SMARCAL1: variants seen among roughly 807,000 people sequenced by gnomAD.
The protein encoded by SMARCAL1 is ATP-driven annealing helicase.
In SMARCAL1, 58 loss-of-function variants were observed where a neutral mutation model predicts 94.5. The ratio of observed to expected loss-of-function variants is 0.61; its 90% CI spans 0.50 to 0.76. The LOEUF (loss-of-function observed/expected upper bound fraction) is 0.76, where lower values mean the gene tolerates loss of function less well. Ranked by LOEUF, SMARCAL1 falls within the 30% of genes least tolerant of loss-of-function variation. The pLI is 0.00. For missense variants in SMARCAL1, 1,051 were observed against 1,177.9 expected, an observed-to-expected ratio of 0.89 and a Z score of 1.58; for synonymous variants, 422 against 455.1, an observed-to-expected ratio of 0.93 and a Z score of 0.93.
rs886042157 is a variant in SMARCAL1, at chr2:216,432,878, C to T, written c.1485+10C>T. The T allele has an allele frequency of 1.9e-5, 31 of 1,614,040 alleles. No homozygotes were observed. Among genetic ancestry groups the T allele is most frequent in the Non-Finnish European group, 2.6e-5 (31 of 1,180,022 alleles). ...CTTCACCTGGGAGCAGGTTAATGGT[C>T]TTCAAATTGCAGTTTTCACAGAGAA... On this transcript the variant is annotated intron_variant, in intron 8 of 17. Transcript: ENST00000357276.
intron 12 of SMARCAL1, among the ~76,000 whole-genome samples, chr2:216,458,667 T>C (rs1253501135): frequency 6.6e-6 from 1 of 152,208 alleles, no homozygotes; most frequent in Non-Finnish European, 1.5e-5. Context: ...AAATTAGGTA[T>C]TGATAGGACA....
At chr2:216,474,941 CACAT>C (rs1477916778) in intron 14 of SMARCAL1, among the ~76,000 whole-genome samples, 1 of 152,074 alleles carries the variant, frequency 6.6e-6, no homozygotes, top group African/African-American at 2.4e-5. Flanking sequence ...GTAGAACACA[CACAT>C]ACAGTAAAAC....
At chr2:216,439,051 T>C (rs746380679) in intron 10 of SMARCAL1, among the ~76,000 whole-genome samples, 2 of 152,022 alleles carry the variant, frequency 1.3e-5, no homozygotes, top group Non-Finnish European at 2.9e-5. Context: ...GCTGATACTG[T>C]TTTCTGTGGC....
intron 10 of SMARCAL1, among the ~76,000 whole-genome samples, chr2:216,444,610 C>A (rs1004627726): frequency 1.4e-4 from 22 of 152,210 alleles, no homozygotes; most frequent in Non-Finnish European, 2.2e-4. Context: ...ACCTCTGCCT[C>A]CCCTGTTCAA....
chr2:216,454,005 C>T (rs988876493), intron 12 of SMARCAL1, among the ~76,000 whole-genome samples: 1 of 152,216 alleles, frequency 6.6e-6, no homozygotes, highest in African/African-American at 2.4e-5. Context: ...CATCTTTTGT[C>T]TAAAGCCATT....
At position 216,462,278 on chromosome 2, in the gene SMARCAL1, G is replaced by A. The variant is rs1473077283; in HGVS notation, c.2071-2319G>A. 2.6e-5 allele frequency among the ~76,000 whole-genome samples: 4 copies of A among 152,210 alleles called. No individual in the cohort carries two copies. In the East Asian group the frequency reaches 7.7e-4, roughly 29 times the overall value. On this transcript the variant is annotated intron_variant, in intron 12 of 17. Coordinates refer to ENST00000357276, the MANE Select transcript of SMARCAL1 (RefSeq NM_014140.4). ...ATTAGGGAGTATGGCATGAGTGAGT[G>A]TAGGTGGGAGGGGTAGGCTCTCTCT...
intron 6 of SMARCAL1, among the ~76,000 whole-genome samples, chr2:216,424,348 C>T (rs1381189336): frequency 6.6e-6 from 1 of 152,234 alleles, no homozygotes; most frequent in Non-Finnish European, 1.5e-5. Flanking sequence ...ATATCTCAGA[C>T]TGTACCAGAA....
chr2:216,416,302 C>T lies in SMARCAL1; in HGVS notation c.857C>T (p.Ala286Val). 2 of 1,612,858 alleles carry T rather than the reference C, an allele frequency of 1.2e-6. No individual in the cohort carries two copies. The highest frequency in any genetic ancestry group is 1.7e-6 in the Non-Finnish European group (2 of 1,178,970). The change falls in exon 4 of 18, where the codon GCC becomes GTC. Residue 286 changes from alanine (A) to valine (V), a missense_variant. By Grantham distance (64) the Ala-to-Val change is moderately conservative. Transcript: ENST00000357276. ...TWNFSMNDYS[A>V]LMKAAQSLPT... ...AACTTCAGCATGAATGACTATAGTGCCCTGAGTAAGTAGACACATGGTTGT... is the reference window on the plus strand; with the variant it reads ...AACTTCAGCATGAATGACTATAGTGTCCTGAGTAAGTAGACACATGGTTGT...
chr2:216,428,454 C>A (rs1474952365), intron 6 of SMARCAL1, 142 bp from the exon 7 acceptor site: 2 of 783,722 alleles, frequency 2.6e-6, no homozygotes, highest in Non-Finnish European at 4.3e-6. Flanking sequence ...ATGGTCCTGA[C>A]TAGAAGAGAT....
At chr2:216,433,088 G>A (rs559428106) in intron 8 of SMARCAL1, among the ~76,000 whole-genome samples, 6 of 152,086 alleles carry the variant, frequency 3.9e-5, no homozygotes, top group African/African-American at 9.7e-5. Context: ...AGGAGAAACC[G>A]GCTTAGAGAC....
At chr2:216,422,651 G>C (rs1017166958) in intron 5 of SMARCAL1, among the ~76,000 whole-genome samples, 1 of 152,228 alleles carries the variant, frequency 6.6e-6, no homozygotes, top group East Asian at 1.9e-4. Context: ...CCTTCCATCA[G>C]GTTGTACCTG....
intron 9 of SMARCAL1, among the ~76,000 whole-genome samples, chr2:216,435,773 G>T (rs187353519): frequency 6.6e-6 from 1 of 152,058 alleles, no homozygotes; most frequent in Non-Finnish European, 1.5e-5. Context: ...CTTTCCCAGC[G>T]TGACTCATGG....
At chr2:216,442,907 A>G (rs1255204778) in intron 10 of SMARCAL1, among the ~76,000 whole-genome samples, 1 of 152,108 alleles carries the variant, frequency 6.6e-6, no homozygotes, top group Non-Finnish European at 1.5e-5. Flanking sequence ...GCCAGAGGGG[A>G]GAGCAGTGTC....
intron 2 of SMARCAL1, 39 bp from the exon 3 acceptor site, chr2:216,414,608 A>G (rs1041722687): frequency 1.5e-5 from 15 of 1,033,260 alleles, no homozygotes; most frequent in African/African-American, 7.8e-5. Context: ...CAATTAATAC[A>G]TGTAATGTTC....
chr2:216,439,890 C>T (rs1227250993), intron 10 of SMARCAL1, among the ~76,000 whole-genome samples: 2 of 152,136 alleles, frequency 1.3e-5, no homozygotes, highest in South Asian at 2.1e-4. Context: ...GACGAAATCC[C>T]GTCTGTACTA....
In SMARCAL1 at chr2:216,428,621, A is replaced by G. The variant is rs1269640226; in HGVS notation, c.1173A>G (p.Gln391=). The change falls in exon 7 of 18, where the codon CAA becomes CAG. Residue 391 remains glutamine (Q), a synonymous_variant. Transcript: ENST00000357276. The part of the protein sequence containing the change: ...KLIAKVRCLP[Q]VQLDPLPTTL... ...TTGCAAAGGTGCGCTGCCTCCCACAAGTTCAGCTGGACCCTCTGCCCACGA... is the reference window on the plus strand; with the variant it reads ...TTGCAAAGGTGCGCTGCCTCCCACAGGTTCAGCTGGACCCTCTGCCCACGA... The G allele has an allele frequency of 3.1e-6, 5 of 1,614,012 alleles. No homozygotes were observed. The East Asian group carries it at 1.1e-4, about 36-fold the overall frequency.
intron 12 of SMARCAL1, among the ~76,000 whole-genome samples, chr2:216,456,331 G>T (rs1694566683): frequency 2.0e-5 from 3 of 152,156 alleles, no homozygotes; most frequent in Admixed American, 2.0e-4. Flanking sequence ...TTCAAATTCA[G>T]TAAATACAGA....
chr2:216,454,212 A>C (rs1476627814), intron 12 of SMARCAL1, among the ~76,000 whole-genome samples: 1 of 152,264 alleles, frequency 6.6e-6, no homozygotes, highest in Non-Finnish European at 1.5e-5. Flanking sequence ...TTTCCTGGCC[A>C]GTAGCTGGCA....
At chr2:216,440,023 CAG>C (rs1050606526) in intron 10 of SMARCAL1, among the ~76,000 whole-genome samples, 26 of 144,958 alleles carry the variant, frequency 1.8e-4, no homozygotes, top group African/African-American at 6.5e-4. Context: ...GCCTGGGTGA[CAG>C]AGTGAGACTC....
Sources: allele counts gnomAD v4.1 joint callset (sites outside exome capture counted in the v4.1 genomes callset), GRCh38; gene constraint gnomAD v4.1.1; transcripts MANE v1.5; gene names NCBI Gene and HGNC (gene_info 2026-07-23, HGNC 2026-07-21).